The following DGKI variants were observed in gnomAD, a reference collection of about 807,000 sequenced individuals.
DGKI encodes DAG kinase iota.
In DGKI, 55 loss-of-function variants were observed where a neutral mutation model predicts 147.5. That is an observed-to-expected ratio of 0.37 (90% CI 0.30 to 0.47). The LOEUF (loss-of-function observed/expected upper bound fraction) is 0.47, where lower values mean the gene tolerates loss of function less well. DGKI is among the 20% of genes least tolerant of loss of function. DGKI has a pLI of 1.00. For synonymous variants in DGKI, 469 were observed against 477.1 expected, an observed-to-expected ratio of 0.98 and a Z score of 0.22; for missense variants, 1,007 against 1,323.8, an observed-to-expected ratio of 0.76 and a Z score of 3.71.
intron 1 of DGKI, among the ~76,000 whole-genome samples, chr7:137,797,795 A>G (rs1348693690): frequency 6.6e-6 from 1 of 152,066 alleles, no homozygotes; most frequent in Non-Finnish European, 1.5e-5. Flanking sequence ...ATATCCTCAC[A>G]CCTTAAGAAA....
At chr7:137,417,044 A>G (rs1209038359) in intron 28 of DGKI, among the ~76,000 whole-genome samples, 1 of 152,230 alleles carries the variant, frequency 6.6e-6, no homozygotes, top group East Asian at 1.9e-4. Flanking sequence ...GCCTGAATCT[A>G]TTATTATTCA....
chr7:137,447,095 T>C (rs992541946), intron 27 of DGKI, among the ~76,000 whole-genome samples: 1 of 152,228 alleles, frequency 6.6e-6, no homozygotes, highest in Non-Finnish European at 1.5e-5. Flanking sequence ...TTGTGCTTTG[T>C]TTTTATTTAT....
intron 23 of DGKI, among the ~76,000 whole-genome samples, chr7:137,472,129 A>G (rs1177031111): frequency 8.0e-6 from 1 of 124,628 alleles, no homozygotes; most frequent in East Asian, 2.3e-4. Context: ...AAATATATAT[A>G]CACATATATA....
Position 137,783,461 on chromosome 7 carries a change from C to T in DGKI, c.401+63001G>A, listed in dbSNP as rs763665061. Among the ~76,000 whole-genome samples the T allele has an allele frequency of 3.5e-4, 54 of 152,302 alleles. No homozygotes were observed. In the Middle Eastern group the frequency reaches 0.01, roughly 29 times the overall value. On this transcript the variant is annotated intron_variant, in intron 1 of 32. Coordinates refer to ENST00000614521, the MANE Select transcript of DGKI (RefSeq NM_001321708.2). ...GAATTTTAAAAAATGAACAAAGCCT[C>T]CAAGAAGTTTGAGACTATGTTAAAT...
intron 1 of DGKI, among the ~76,000 whole-genome samples, chr7:137,692,583 C>T (rs554088526): frequency 1.4e-4 from 22 of 152,244 alleles, no homozygotes; most frequent in Non-Finnish European, 2.5e-4. Flanking sequence ...CGCCAAAACC[C>T]GGTTACTCTT....
chr7:137,470,758 C>T (rs1814850346), intron 23 of DGKI, among the ~76,000 whole-genome samples: 1 of 152,000 alleles, frequency 6.6e-6, no homozygotes, highest in Non-Finnish European at 1.5e-5. Context: ...TCTTGCCCTT[C>T]CAAACTCCTG....
chr7:137,407,675 T>C (rs1585084193), intron 30 of DGKI, among the ~76,000 whole-genome samples, 200 bp downstream of exon 30: 1 of 152,170 alleles, frequency 6.6e-6, no homozygotes, highest in African/African-American at 2.4e-5. Flanking sequence ...TTTCTACTAA[T>C]TGCTTGGATA....
intron 1 of DGKI, among the ~76,000 whole-genome samples, chr7:137,781,838 G>A (rs1796526952): frequency 6.6e-6 from 1 of 152,216 alleles, no homozygotes; most frequent in South Asian, 2.1e-4. Context: ...AGGCAAAGCT[G>A]TTTGATGATG....
At chr7:137,393,662 A>G (rs1300334763) in intron 32 of DGKI, among the ~76,000 whole-genome samples, 2 of 152,222 alleles carry the variant, frequency 1.3e-5, no homozygotes, top group African/African-American at 4.8e-5. Context: ...CAACCTAATT[A>G]TCTGCCATTT....
At chr7:137,823,032 G>A (rs1162184644) in intron 1 of DGKI, among the ~76,000 whole-genome samples, 1 of 151,398 alleles carries the variant, frequency 6.6e-6, no homozygotes, top group Non-Finnish European at 1.5e-5. Flanking sequence ...CTGGTAAATT[G>A]GGGAGGAGGA....
intron 6 of DGKI, among the ~76,000 whole-genome samples, chr7:137,632,433 T>C (rs2129002249): frequency 6.6e-6 from 1 of 152,324 alleles, no homozygotes; most frequent in South Asian, 2.1e-4. Context: ...CTACATCCAT[T>C]AACTTGGGTA....
Position 137,653,128 on chromosome 7 carries a change from T to TTG in DGKI, c.738+1602_738+1603dup, listed in dbSNP as rs372984668. ...GGTGTGTGTGTGTGTGTATGTGTGT[T>TTG]TGTGTGTGTGTGTGTGCGCGCGCGT... On this transcript the variant is annotated intron_variant, in intron 5 of 32. Transcript: ENST00000614521. Among the ~76,000 whole-genome samples, 263 of 151,822 alleles carry TTG rather than the reference T, an allele frequency of 1.7e-3. 2 individuals carry two copies. The highest frequency in any genetic ancestry group is 5.5e-3 in the African/African-American group (227 of 41,472).
chr7:137,479,706 A>G (rs1020945210), intron 23 of DGKI, among the ~76,000 whole-genome samples: 9 of 152,192 alleles, frequency 5.9e-5, no homozygotes, highest in African/African-American at 1.7e-4. Context: ...GAAACAAAAC[A>G]AAAGTTCTAT....
chr7:137,416,107 G>C (rs937569205), intron 28 of DGKI, among the ~76,000 whole-genome samples: 1 of 152,030 alleles, frequency 6.6e-6, no homozygotes, highest in Non-Finnish European at 1.5e-5. Flanking sequence ...AACAGAGAAA[G>C]AAAGGAGAAA....
intron 1 of DGKI, among the ~76,000 whole-genome samples, chr7:137,700,742 G>T (rs1823948757): frequency 6.6e-6 from 1 of 152,156 alleles, no homozygotes; most frequent in Non-Finnish European, 1.5e-5. Flanking sequence ...GCCAGGCATG[G>T]TGGCGGGAGC....
rs779168725 is a variant in DGKI at position 137,654,806 on chromosome 7, A to G, written c.682-18T>C. ...AAATTAATCTGTCATTCAAAAAGAA[A>G]AGTATATTATATTAGAGATAAGCAT... is the stretch of plus-strand genomic sequence containing the variant. On this transcript the variant is annotated intron_variant, in intron 4 of 32. Coordinates refer to ENST00000614521, the MANE Select transcript of DGKI (RefSeq NM_001321708.2). 6.5e-7 allele frequency: 1 copy of G among 1,543,060 alleles called. No homozygotes were observed. Among genetic ancestry groups the G allele is most frequent in the Admixed American group, 1.7e-5 (1 of 59,744 alleles).
At chr7:137,468,482 T>C (rs555162673) in intron 24 of DGKI, among the ~76,000 whole-genome samples, 22 of 152,334 alleles carry the variant, frequency 1.4e-4, no homozygotes, top group African/African-American at 5.3e-4. Context: ...TTCTCATTGC[T>C]ATGGAATAAA....
chr7:137,713,701 G>A (rs934856592), intron 1 of DGKI, among the ~76,000 whole-genome samples: 1 of 152,004 alleles, frequency 6.6e-6, no homozygotes, highest in African/African-American at 2.4e-5. Flanking sequence ...GAGTGCAGTG[G>A]TGCAATCATA....
At chr7:137,411,535 A>G (rs1230512839) in intron 29 of DGKI, among the ~76,000 whole-genome samples, 1 of 152,180 alleles carries the variant, frequency 6.6e-6, no homozygotes, top group Non-Finnish European at 1.5e-5. Context: ...TGAAAAAACT[A>G]AGGCACAGAG....
Sources: gnomAD v4.1 joint callset for allele counts (sites outside exome capture counted in the v4.1 genomes callset) on GRCh38, gnomAD v4.1.1 for gene constraint, MANE v1.5 for transcripts, NCBI Gene and HGNC (gene_info 2026-07-23, HGNC 2026-07-21) for gene names.